Variants in DDAH1 observed in about 807,000 individuals in gnomAD.
DDAH1 encodes N(G),N(G)-dimethylarginine dimethylaminohydrolase 1.
In DDAH1, 19 loss-of-function variants were observed where a neutral mutation model predicts 28.8. The observed-to-expected ratio is 0.66, with a 90% CI of 0.46 to 0.97. DDAH1 has a LOEUF of 0.97. Ranked by LOEUF, DDAH1 falls within the 50% of genes least tolerant of loss-of-function variation. The pLI is 0.00. For missense variants in DDAH1, 326 were observed against 375.9 expected (o/e 0.87, Z 1.10); for synonymous variants, 153 against 154.4 (o/e 0.99, Z 0.07).
intron 4 of DDAH1, among the ~76,000 whole-genome samples, chr1:85,345,770 C>G (rs1220709318): frequency 6.6e-6 from 1 of 152,128 alleles, no homozygotes; most frequent in Non-Finnish European, 1.5e-5. Context: ...GAGGCTGAGG[C>G]AGGAGAATCT....
intron 1 of DDAH1, among the ~76,000 whole-genome samples, chr1:85,524,352 G>A (rs1348183155): frequency 3.4e-5 from 5 of 147,794 alleles, no homozygotes; most frequent in Admixed American, 1.4e-4. Flanking sequence ...CTTCATGGAA[G>A]TGGAGGCGTT....
In DDAH1 at chr1:85,462,232, A is replaced by C. The variant is rs144619294; in HGVS notation, c.303+2511T>G. Among the ~76,000 whole-genome samples, 23 of 152,312 alleles carry C rather than the reference A, an allele frequency of 1.5e-4. No homozygotes were observed. The East Asian group carries it at 4.4e-3, about 29-fold the overall frequency. ...GCAATAGTCTGGTGAGCTTCAGTGAAAGAACCTCGCTCGATCCATGGATCA... is the reference window on the plus strand; with the variant it reads ...GCAATAGTCTGGTGAGCTTCAGTGACAGAACCTCGCTCGATCCATGGATCA... On this transcript the variant is annotated intron_variant, in intron 1 of 5. Coordinates refer to ENST00000284031, the MANE Select transcript of DDAH1 (RefSeq NM_012137.4).
At chr1:85,351,386 C>A (rs558585230) in intron 3 of DDAH1, 120 bp downstream of exon 3, 39 of 777,454 alleles carry the variant, frequency 5.0e-5, no homozygotes, top group Non-Finnish European at 7.3e-5. Context: ...ACAAACATTA[C>A]GAATTATTGT....
At chr1:85,359,116 A>G (rs1056430772) in intron 1 of DDAH1, among the ~76,000 whole-genome samples, 3 of 152,218 alleles carry the variant, frequency 2.0e-5, no homozygotes, top group Non-Finnish European at 4.4e-5. Flanking sequence ...TAGAAAGCTG[A>G]GTAGTTACAA....
In DDAH1 at chr1:85,324,891, G is replaced by A. The variant is rs375610881; in HGVS notation, c.598-8C>T. The A allele has an allele frequency of 2.4e-5, 38 of 1,613,638 alleles. No homozygotes were observed. Among genetic ancestry groups the A allele is most frequent in the Non-Finnish European group, 3.0e-5 (35 of 1,179,892 alleles). ...ACTCATCTGTTGCATGATCTATAAA[G>A]AGAAACAAAGCAGGCCTAAGAAGAG... On this transcript the variant is annotated splice_polypyrimidine_tract_variant and splice_region_variant and intron_variant, in intron 4 of 5. Transcript: ENST00000284031.
At chr1:85,379,784 C>A (rs1262901449) in intron 1 of DDAH1, 2 of 850,466 alleles carry the variant, frequency 2.4e-6, no homozygotes, top group South Asian at 1.1e-4. Context: ...CTTTAATCAC[C>A]AACCTTGGAA....
intron 1 of DDAH1, among the ~76,000 whole-genome samples, chr1:85,537,063 G>A (rs1375764635): frequency 2.0e-5 from 3 of 150,316 alleles, no homozygotes; most frequent in African/African-American, 2.4e-5. Context: ...AAGAATAGCC[G>A]AGTGCAGTGG....
chr1:85,325,849 A>C lies in DDAH1; in HGVS notation c.598-966T>G, dbSNP rs887290777. Reference sequence around the variant, plus strand: ...AACAAATATTATTTGGGGTTTAGTCATGTAGACTCTTTCTACTCTTTATCA... The same window carrying C: ...AACAAATATTATTTGGGGTTTAGTCCTGTAGACTCTTTCTACTCTTTATCA... On this transcript the variant is annotated intron_variant, in intron 4 of 5. Transcript: ENST00000284031. Among the ~76,000 whole-genome samples, 4 of 152,354 alleles carry C rather than the reference A, an allele frequency of 2.6e-5. No homozygotes were observed. The East Asian group carries it at 7.7e-4, about 29-fold the overall frequency.
chr1:85,385,375 A>G (rs1055528400), intron 1 of DDAH1, among the ~76,000 whole-genome samples: 1 of 152,264 alleles, frequency 6.6e-6, no homozygotes, highest in Non-Finnish European at 1.5e-5. Context: ...CATTAGTAAA[A>G]TACATACTAA....
At chr1:85,494,922 T>G (rs1656530705) in intron 2 of DDAH1, 1 of 152,216 alleles carries the variant, frequency 6.6e-6, no homozygotes, top group Non-Finnish European at 1.5e-5. Flanking sequence ...CTTCAAAGAT[T>G]CCCATTGTGG....
chr1:85,439,263 A>G (rs1654083381), intron 1 of DDAH1, among the ~76,000 whole-genome samples: 1 of 152,238 alleles, frequency 6.6e-6, no homozygotes, highest in African/African-American at 2.4e-5. Flanking sequence ...GGAATTTCCC[A>G]CTGTACCCTT....
intron 1 of DDAH1, chr1:85,577,911 C>T: frequency 3.2e-6 from 3 of 941,754 alleles, no homozygotes; most frequent in Non-Finnish European, 3.8e-6. Flanking sequence ...CCTCCTGGGG[C>T]ACCCGTATGG....
chr1:85,403,219 A>T (rs1001588859), intron 1 of DDAH1, among the ~76,000 whole-genome samples: 1 of 96,360 alleles, frequency 1.0e-5, no homozygotes, highest in African/African-American at 3.7e-5. Context: ...ATGAATATGT[A>T]TGTGAATATA....
intron 4 of DDAH1, among the ~76,000 whole-genome samples, chr1:85,338,530 CT>C (rs1210640828): frequency 1.3e-5 from 2 of 152,152 alleles, no homozygotes; most frequent in African/African-American, 2.4e-5. Flanking sequence ...CTCTCCCTGC[CT>C]TCATGTAGGA....
intron 1 of DDAH1, among the ~76,000 whole-genome samples, chr1:85,375,388 A>T (rs1650607494): frequency 6.6e-6 from 1 of 152,144 alleles, no homozygotes; most frequent in Non-Finnish European, 1.5e-5. Context: ...TGAGGCTGCC[A>T]GCTCCTTGTC....
chr1:85,384,267 C>T (rs184446454), intron 1 of DDAH1, among the ~76,000 whole-genome samples: 3 of 152,284 alleles, frequency 2.0e-5, no homozygotes, highest in East Asian at 3.9e-4. Context: ...TACATACCTA[C>T]CCAAAGACTC....
intron 4 of DDAH1, among the ~76,000 whole-genome samples, chr1:85,345,899 A>T (rs907498857): frequency 6.6e-6 from 1 of 152,170 alleles, no homozygotes; most frequent in Non-Finnish European, 1.5e-5. Flanking sequence ...GAATGAATTT[A>T]TGTGTTCTGG....
intron 1 of DDAH1, among the ~76,000 whole-genome samples, chr1:85,445,025 G>C (rs1230456681): frequency 1.3e-5 from 2 of 152,168 alleles, no homozygotes; most frequent in South Asian, 2.1e-4. Flanking sequence ...GCGCACAGGA[G>C]AAAGATGTAG....
At chr1:85,558,533 CA>C (rs1238550083) in intron 1 of DDAH1, among the ~76,000 whole-genome samples, 1 of 151,976 alleles carries the variant, frequency 6.6e-6, no homozygotes, top group Admixed American at 6.5e-5. Flanking sequence ...AATACAGAAA[CA>C]AAAAAGTGAC....
Sources: allele counts gnomAD v4.1 joint callset (sites outside exome capture counted in the v4.1 genomes callset), GRCh38; gene constraint gnomAD v4.1.1; transcripts MANE v1.5; gene names NCBI Gene and HGNC (gene_info 2026-07-23, HGNC 2026-07-21).